The following GLIS3 variants were observed in gnomAD, a reference collection of about 807,000 sequenced individuals.
GLIS3 encodes GLIS family zinc finger 3, also known as zinc finger protein GLIS3.
In GLIS3, 53 loss-of-function variants were observed where a neutral mutation model predicts 78.6. The ratio of observed to expected loss-of-function variants is 0.67; its 90% CI spans 0.54 to 0.85. The LOEUF (loss-of-function observed/expected upper bound fraction) is 0.85. GLIS3 is among the 40% of genes least tolerant of loss of function. The probability of loss-of-function intolerance (pLI) is 0.00; values close to 1 mark genes in which losing one functional copy is unlikely to be tolerated. For synonymous variants in GLIS3, 684 were observed against 509.9 expected, an observed-to-expected ratio of 1.34 and a Z score of -4.60; for missense variants, 1,703 against 1,231.1, an observed-to-expected ratio of 1.38 and a Z score of -5.74.
intron 2 of GLIS3, among the ~76,000 whole-genome samples, chr9:4,204,827 T>C (rs1418204655): frequency 3.3e-5 from 5 of 151,476 alleles, no homozygotes; most frequent in Non-Finnish European, 5.9e-5. Flanking sequence ...GGCAGAAGAA[T>C]TGCTTGAACC....
chr9:4,311,611 TA>T (rs1817360424), intron 2 of GLIS3, among the ~76,000 whole-genome samples: 1 of 152,036 alleles, frequency 6.6e-6, no homozygotes, highest in Non-Finnish European at 1.5e-5. Context: ...CTCCTACCCC[TA>T]CCCTGACTTC....
intron 4 of GLIS3, among the ~76,000 whole-genome samples, chr9:4,075,234 C>T (rs1018999744): frequency 1.3e-5 from 2 of 151,920 alleles, no homozygotes; most frequent in Non-Finnish European, 2.9e-5. Flanking sequence ...CAACTTTTAT[C>T]AATTAGATGT....
chr9:4,062,251 A>T (rs1826716322), intron 4 of GLIS3, among the ~76,000 whole-genome samples: 1 of 152,190 alleles, frequency 6.6e-6, no homozygotes, highest in Non-Finnish European at 1.5e-5. Context: ...GGCATTTCAT[A>T]ATGAAAATCT....
intron 1 of GLIS3, among the ~76,000 whole-genome samples, chr9:4,298,884 A>G (rs1816854375): frequency 6.6e-6 from 1 of 152,112 alleles, no homozygotes; most frequent in South Asian, 2.1e-4. Flanking sequence ...ACAGGCGTGG[A>G]AAACAGCCTT....
chr9:4,407,938 G>A, the GLIS3 span, among the ~76,000 whole-genome samples: 35 of 152,116 alleles, frequency 2.3e-4, 1 homozygote, highest in South Asian at 2.5e-3. Flanking sequence ...TCTAATAATC[G>A]AATTTTAAAA....
chr9:4,356,025 GT>G, the GLIS3 span, among the ~76,000 whole-genome samples: 1 of 150,252 alleles, frequency 6.7e-6, no homozygotes, highest in South Asian at 2.1e-4. Flanking sequence ...AGTAAAATTA[GT>G]TAGTCAAAAA....
intron 4 of GLIS3, among the ~76,000 whole-genome samples, chr9:4,101,399 C>T (rs891598873): frequency 5.3e-5 from 8 of 152,118 alleles, no homozygotes; most frequent in Admixed American, 3.3e-4. Flanking sequence ...GCTGTTCTTA[C>T]TTAATTTTGT....
chr9:4,027,861 T>G (rs143194033), intron 4 of GLIS3, among the ~76,000 whole-genome samples: 207 of 152,272 alleles, frequency 1.4e-3, no homozygotes, highest in Non-Finnish European at 2.4e-3. Context: ...CTCCAGCTAA[T>G]AGGCCATCAA....
At chr9:4,348,443 C>T (rs900461827), upstream of GLIS3, 5 of 152,236 alleles carry the variant, frequency 3.3e-5, no homozygotes, top group African/African-American at 9.6e-5. Context: ...AAGAATGCTG[C>T]TCTCAAATGA....
chr9:4,195,021 G>A (rs1434454016), intron 2 of GLIS3, among the ~76,000 whole-genome samples: 1 of 152,192 alleles, frequency 6.6e-6, no homozygotes, highest in Non-Finnish European at 1.5e-5. Context: ...TCTAGAGCAG[G>A]GTAGGGGCCT....
chr9:3,853,807 T>C (rs1819588660), intron 9 of GLIS3, among the ~76,000 whole-genome samples: 1 of 152,230 alleles, frequency 6.6e-6, no homozygotes, highest in Admixed American at 6.5e-5. Flanking sequence ...TTTGGAGAAC[T>C]TCCTTCCAAT....
chr9:3,972,725 T>G (rs1005237649), intron 4 of GLIS3, among the ~76,000 whole-genome samples: 8 of 152,158 alleles, frequency 5.3e-5, no homozygotes, highest in Non-Finnish European at 5.9e-5. Flanking sequence ...TATCTGTGTG[T>G]TTAGTTTATA....
intron 4 of GLIS3, among the ~76,000 whole-genome samples, chr9:4,097,354 G>A (rs1830036524): frequency 6.6e-6 from 1 of 152,064 alleles, no homozygotes; most frequent in Admixed American, 6.5e-5. Context: ...CATCCTAGAA[G>A]AAGGAACAGG....
chr9:3,871,834 C>A (rs1347360248), intron 8 of GLIS3, among the ~76,000 whole-genome samples: 1 of 152,184 alleles, frequency 6.6e-6, no homozygotes, highest in South Asian at 2.1e-4. Context: ...TTTGGCTCCT[C>A]GTTACTTATG....
At chr9:4,114,586 G>C (rs1188189106) in intron 4 of GLIS3, among the ~76,000 whole-genome samples, 4 of 152,254 alleles carry the variant, frequency 2.6e-5, no homozygotes, top group South Asian at 2.1e-4. Flanking sequence ...AAAATAAAGA[G>C]ATTCAGCACC....
intron 2 of GLIS3, among the ~76,000 whole-genome samples, chr9:4,216,401 G>C (rs993255768): frequency 1.7e-4 from 23 of 138,866 alleles, no homozygotes; most frequent in Non-Finnish European, 6.5e-5. Flanking sequence ...TGAGCTTGCA[G>C]TGAGAAAGGC....
chr9:4,456,872 C>A, the GLIS3 span, among the ~76,000 whole-genome samples: 1 of 152,086 alleles, frequency 6.6e-6, no homozygotes, highest in African/African-American at 2.4e-5. Context: ...TTCATGGTAT[C>A]CCAAAACAAT....
chr9:4,166,599 T>C (rs1815861330), intron 2 of GLIS3, among the ~76,000 whole-genome samples: 1 of 152,236 alleles, frequency 6.6e-6, no homozygotes, highest in Admixed American at 6.5e-5. Flanking sequence ...AGGCCCCTTC[T>C]CCTTCCAGGA....
chr9:4,260,391 C>A (rs1351474998), intron 2 of GLIS3, among the ~76,000 whole-genome samples: 2 of 152,000 alleles, frequency 1.3e-5, no homozygotes, highest in Non-Finnish European at 2.9e-5. Context: ...ATGGTGAAAC[C>A]CCAACTCTAC....
Sources: allele counts gnomAD v4.1 joint callset (sites outside exome capture counted in the v4.1 genomes callset), GRCh38; gene constraint gnomAD v4.1.1; transcripts MANE v1.5; gene names NCBI Gene and HGNC (gene_info 2026-07-23, HGNC 2026-07-21).